The following MEGF10 variants were observed in gnomAD, a reference collection of about 807,000 sequenced individuals.
MEGF10 encodes the protein multiple epidermal growth factor-like domains protein 10.
A neutral mutation model predicts 147.5 loss-of-function variants in MEGF10; 86 were observed. The ratio of observed to expected loss-of-function variants is 0.58; its 90% confidence interval spans 0.49 to 0.70. The LOEUF (loss-of-function observed/expected upper bound fraction) is 0.70. Among genes scored for constraint, MEGF10 ranks in the 30% least tolerant of loss-of-function variants. MEGF10 has a pLI of 0.00. For synonymous variants in MEGF10, 478 were observed against 525.5 expected (o/e 0.91, Z 1.24); for missense variants, 1,329 against 1,487.3 (o/e 0.89, Z 1.75).
chr5:127,305,625 G>A (rs193209641), intron 1 of MEGF10, among the ~76,000 whole-genome samples: 3 of 152,104 alleles, frequency 2.0e-5, no homozygotes, highest in Non-Finnish European at 4.4e-5. Flanking sequence ...AAACAACAAA[G>A]CAAAAACAGA....
chr5:127,450,443 A>G (rs972295481), intron 22 of MEGF10, among the ~76,000 whole-genome samples: 4 of 152,218 alleles, frequency 2.6e-5, no homozygotes, highest in Non-Finnish European at 5.9e-5. Context: ...CTTCTGTGAT[A>G]TACCATTAAT....
At chr5:127,434,876 T>A in intron 15 of MEGF10, 55 bp downstream of exon 15, 1 of 1,573,542 alleles carries the variant, frequency 6.4e-7, no homozygotes, top group Non-Finnish European at 8.6e-7. Context: ...CCCCGGAGAG[T>A]CTGTCCTCAG....
At position 127,368,222 on chromosome 5, in the gene MEGF10, A is replaced by AC. The variant is rs140527980; in HGVS notation, c.320-1688_320-1687insC. On this transcript the variant is annotated intron_variant, in intron 4 of 24. Coordinates refer to ENST00000503335, the MANE Select transcript of MEGF10 (RefSeq NM_001256545.2). ...ATGTTACAGGCAAGTTCTGCTTTTA[A>AC]TTGCAATGAAATATGTAATTGTCTG... Among the ~76,000 whole-genome samples the AC allele has an allele frequency of 4.6e-3, 696 of 152,284 alleles. 4 individuals carry two copies. The highest frequency in any genetic ancestry group is 0.016 in the African/African-American group (677 of 41,568).
At chr5:127,370,239 A>G (rs1047958386) in intron 5 of MEGF10, among the ~76,000 whole-genome samples, 3 of 152,232 alleles carry the variant, frequency 2.0e-5, no homozygotes, top group African/African-American at 4.8e-5. Context: ...TGATCATACA[A>G]CAGCTCATAC....
At chr5:127,323,402 A>C (rs1212771933) in intron 1 of MEGF10, among the ~76,000 whole-genome samples, 1 of 152,200 alleles carries the variant, frequency 6.6e-6, no homozygotes, top group East Asian at 1.9e-4. Flanking sequence ...TGTACCTCAA[A>C]GTACAGGCAT....
At chr5:127,266,834 G>A in the MEGF10 span, among the ~76,000 whole-genome samples, 5 of 152,220 alleles carry the variant, frequency 3.3e-5, no homozygotes, top group African/African-American at 9.6e-5. Flanking sequence ...GAGACAATGG[G>A]GTTTTCTAGA....
At position 127,435,399 on chromosome 5, in the gene MEGF10, A is replaced by C. The variant is rs751333421; in HGVS notation, c.2014A>C (p.Ile672Leu). The change falls in exon 16 of 25, where the codon ATT becomes CTT. Residue 672 changes from isoleucine to leucine, a missense_variant. Ile to Leu is a conservative substitution (Grantham distance 5). Around this residue, in one of 3 missense-constraint regions of MEGF10, gnomAD observed 980 missense variants for 1,085.9 expected, o/e 0.90. Coordinates refer to ENST00000503335, the MANE Select transcript of MEGF10 (RefSeq NM_001256545.2). ...CAGATTTGGGAAAAACTGTGCAGGA[A>C]TTTGTACCTGCACCAACAACGGAAC... is the stretch of plus-strand genomic sequence containing the variant. ...SGRFGKNCAG[I>L]CTCTNNGTCN... 1 of 1,614,124 alleles carries C rather than the reference A, an allele frequency of 6.2e-7. No homozygotes were observed. Among genetic ancestry groups the C allele is most frequent in the Non-Finnish European group, 8.5e-7 (1 of 1,180,000 alleles).
chr5:127,399,048 G>C (rs1764031538), intron 7 of MEGF10, among the ~76,000 whole-genome samples: 1 of 152,172 alleles, frequency 6.6e-6, no homozygotes, highest in African/African-American at 2.4e-5. Context: ...CATCTGTCCT[G>C]CATTTCCCTT....
chr5:127,328,008 C>T (rs1046925052), intron 1 of MEGF10, among the ~76,000 whole-genome samples: 19 of 152,118 alleles, frequency 1.2e-4, no homozygotes, highest in African/African-American at 2.7e-4. Flanking sequence ...TGAGCCACCA[C>T]GCCTGGCCTA....
intron 4 of MEGF10, among the ~76,000 whole-genome samples, chr5:127,360,948 A>G (rs937521038): frequency 4.0e-5 from 6 of 151,862 alleles, no homozygotes; most frequent in African/African-American, 1.4e-4. Flanking sequence ...ATTCACTAAA[A>G]TTTTGTTTAG....
intron 4 of MEGF10, among the ~76,000 whole-genome samples, chr5:127,368,175 AG>A (rs1762723235): frequency 6.6e-6 from 1 of 152,202 alleles, no homozygotes; most frequent in Non-Finnish European, 1.5e-5. Context: ...AAATCAAAAT[AG>A]TGCAGGGCCA....
At chr5:127,426,753 G>A (rs1765221621) in intron 13 of MEGF10, among the ~76,000 whole-genome samples, 1 of 152,224 alleles carries the variant, frequency 6.6e-6, no homozygotes, top group Non-Finnish European at 1.5e-5. Context: ...TACAGAAACA[G>A]GCTGAAGTTT....
chr5:127,310,198 G>A (rs2126735382), intron 1 of MEGF10, among the ~76,000 whole-genome samples: 1 of 151,034 alleles, frequency 6.6e-6, no homozygotes, highest in East Asian at 1.9e-4. Flanking sequence ...TGTGCATATT[G>A]GCCATTGGTA....
At chr5:127,252,880 C>T in the MEGF10 span, among the ~76,000 whole-genome samples, 5 of 151,930 alleles carry the variant, frequency 3.3e-5, no homozygotes, top group East Asian at 9.6e-4. Context: ...ATGACTTTAG[C>T]ACTGTTTCAG....
At chr5:127,417,221 A>G (rs1764809994) in intron 9 of MEGF10, among the ~76,000 whole-genome samples, 1 of 152,202 alleles carries the variant, frequency 6.6e-6, no homozygotes, top group Non-Finnish European at 1.5e-5. Flanking sequence ...GGGAACTGAG[A>G]GGAGAAACAG....
intron 22 of MEGF10, among the ~76,000 whole-genome samples, chr5:127,451,278 C>T (rs979900690): frequency 8.5e-5 from 13 of 152,222 alleles, no homozygotes; most frequent in African/African-American, 2.9e-4. Context: ...GTCATAGGAA[C>T]TGATCCCTGT....
At chr5:127,260,446 T>C in the MEGF10 span, among the ~76,000 whole-genome samples, 4 of 152,162 alleles carry the variant, frequency 2.6e-5, no homozygotes. Flanking sequence ...TTCCCAGAAG[T>C]TTCTGGTAAA....
intron 1 of MEGF10, among the ~76,000 whole-genome samples, chr5:127,306,275 T>G (rs1470401166): frequency 6.6e-6 from 1 of 152,176 alleles, no homozygotes; most frequent in African/African-American, 2.4e-5. Context: ...CTCTGTTTCC[T>G]TTAATGGTGA....
At chr5:127,229,850 G>A in the MEGF10 span, 6 of 152,298 alleles carry the variant, frequency 3.9e-5, no homozygotes, top group Admixed American at 3.9e-4. Flanking sequence ...AAGCAGGGAC[G>A]CCCAGGGCGC....
Sources: gnomAD v4.1 joint callset for allele counts (sites outside exome capture counted in the v4.1 genomes callset) on GRCh38, gnomAD v4.1.1 for gene constraint, gnomAD v4.1.1 regional missense constraint, MANE v1.5 for transcripts, NCBI Gene and HGNC (gene_info 2026-07-23, HGNC 2026-07-21) for gene names.